LMNB2: variants seen among roughly 807,000 people sequenced by gnomAD.
LMNB2 encodes the protein lamin-B2.
LMNB2 carries 17 observed loss-of-function variants against 69.3 expected under a neutral mutation model. The observed-to-expected ratio is 0.25, with a 90% CI of 0.17 to 0.37. The LOEUF is 0.37. LMNB2 is among the 10% of genes least tolerant of loss of function. The pLI, the probability that LMNB2 is intolerant of heterozygous loss-of-function variation, is 1.00. For missense variants in LMNB2, 789 were observed against 883.6 expected (o/e 0.89, Z 1.36); for synonymous variants, 397 against 389.3 (o/e 1.02, Z -0.23).
intron 2 of LMNB2, among the ~76,000 whole-genome samples, chr19:2,439,065 T>TTA (rs1971862209): frequency 7.8e-6 from 1 of 128,448 alleles, no homozygotes; most frequent in Admixed American, 9.1e-5. Context: ...TTTTTTTTTT[T>TTA]AAGAGACAGG....
rs947235605 is a variant in LMNB2 at position 2,429,559 on chromosome 19, G to C, written c.*1352C>G. 6.6e-6 allele frequency: 1 copy of C among 152,288 alleles called. No homozygotes were observed. 9.4% of individuals were successfully genotyped at this position (152,288 alleles called of 1,614,324 possible). On this transcript the variant is annotated 3_prime_UTR_variant, in exon 12 of 12. Transcript: ENST00000325327. ...AGGGAGGCGGGATGCAGTCACAGGG[G>C]AGCGGTGCCGCCCCCGCCCTGCAGT... is the stretch of plus-strand genomic sequence containing the variant.
rs371984370 is a variant in LMNB2 at position 2,432,543 on chromosome 19, C to T, written c.1483-20G>A. On this transcript the variant is annotated intron_variant, in intron 8 of 11. Transcript: ENST00000325327. ...CTGATCCTGGAAGACACGGCACACA[C>T]CTGACCCTCAGCCACCAGGACTGTG... The T allele has an allele frequency of 1.6e-4, 260 of 1,596,406 alleles. No homozygotes were observed. Among genetic ancestry groups the T allele is most frequent in the Middle Eastern group, 1.7e-4 (1 of 6,030 alleles).
Position 2,431,862 on chromosome 19 carries a change from G to A in LMNB2, c.1631C>T (p.Ser544Leu), listed in dbSNP as rs776253195. ...GCTCTGGCCCTTCCACACCAGCGTCGAGGGGGGGCTGTGGGCCACCCCCGC... is the reference window on the plus strand; with the variant it reads ...GCTCTGGCCCTTCCACACCAGCGTCAAGGGGGGGCTGTGGGCCACCCCCGC... ...AGAGVAHSPP[S>L]TLVWKGQSSW... The change falls in exon 10 of 12, where the codon TCG becomes TTG. Residue 544 changes from serine (S) to leucine (L), a missense_variant. By Grantham distance (145) the Ser-to-Leu change is moderately radical (BLOSUM62 -2). Transcript: ENST00000325327. 1.9e-5 allele frequency: 31 copies of A among 1,612,978 alleles called. No individual in the cohort carries two copies. Among genetic ancestry groups the A allele is most frequent in the Admixed American group, 1.7e-4 (10 of 59,964 alleles).
chr19:2,450,418 G>T (rs1972009118), intron 1 of LMNB2, among the ~76,000 whole-genome samples: 2 of 151,020 alleles, frequency 1.3e-5, no homozygotes, highest in Non-Finnish European at 2.9e-5. Flanking sequence ...GCTGGGAGCA[G>T]TGGCTCACAG....
chr19:2,434,243 G>C, intron 7 of LMNB2, 52 bp downstream of exon 7: 3 of 1,591,210 alleles, frequency 1.9e-6, no homozygotes, highest in Non-Finnish European at 2.6e-6. Context: ...CTCTCCTCCT[G>C]CCCTGCCCCT....
chr19:2,447,098 C>T lies in LMNB2; in HGVS notation c.265-2558G>A, dbSNP rs184335866. On this transcript the variant is annotated intron_variant, in intron 1 of 11. Coordinates refer to ENST00000325327, the MANE Select transcript of LMNB2 (RefSeq NM_032737.4). The surrounding 1 kb of genome is among the most constrained non-coding windows in gnomAD (Gnocchi z 4.4). ...GGTGGAACTTGCAGTGAGCCGAGAT[C>T]GCACCACTGCCCTCCAGCCTGGGAG... Among the ~76,000 whole-genome samples, 13 of 151,840 alleles carry T rather than the reference C, an allele frequency of 8.6e-5. No individual in the cohort carries two copies. Among genetic ancestry groups the T allele is most frequent in the Admixed American group, 3.3e-4 (5 of 15,244 alleles).
At chr19:2,440,253 C>A (rs1475543914) in intron 2 of LMNB2, among the ~76,000 whole-genome samples, 2 of 144,922 alleles carry the variant, frequency 1.4e-5, no homozygotes, top group Admixed American at 1.4e-4. Flanking sequence ...TGCAATGGTG[C>A]GATCTCGGTT....
At chr19:2,439,793 G>A (rs1318115038) in intron 2 of LMNB2, among the ~76,000 whole-genome samples, 2 of 151,920 alleles carry the variant, frequency 1.3e-5, no homozygotes, top group Non-Finnish European at 2.9e-5. Flanking sequence ...GATTGCAATG[G>A]CGTGATCTCG....
chr19:2,431,736 C>T, intron 10 of LMNB2, 47 bp downstream of exon 10: 2 of 1,613,638 alleles, frequency 1.2e-6, no homozygotes, highest in South Asian at 2.2e-5. Flanking sequence ...GTGCCCAGAC[C>T]CTGCCCAGGA....
chr19:2,430,179 G>T lies in LMNB2; in HGVS notation c.*732C>A, dbSNP rs909538771. On this transcript the variant is annotated 3_prime_UTR_variant, in exon 12 of 12. Coordinates refer to ENST00000325327, the MANE Select transcript of LMNB2 (RefSeq NM_032737.4). The stretch of plus-strand genomic sequence containing the variant: ...TTATTGTTGTGACAGGTCTTACGAC[G>T]GGACTGTCCTCATTCTTCCTTCCCC... The T allele has an allele frequency of 6.4e-6, 1 of 155,200 alleles. No homozygotes were observed. The highest frequency in any genetic ancestry group is 6.3e-5 in the Admixed American group (1 of 15,880). 9.6% of individuals were successfully genotyped at this position (155,200 alleles called of 1,614,324 possible). A position where few individuals can be genotyped will look rare whatever the true frequency, so the allele number is the denominator to read the frequency against.
chr19:2,432,335 C>T, intron 9 of LMNB2, 81 bp downstream of exon 9: 1 of 981,300 alleles, frequency 1.0e-6, no homozygotes, highest in Non-Finnish European at 1.6e-6. Flanking sequence ...CCCACCCCCG[C>T]CAAGTCCTGT....
chr19:2,448,596 C>T (rs1339835700), intron 1 of LMNB2, among the ~76,000 whole-genome samples: 1 of 152,298 alleles, frequency 6.6e-6, no homozygotes, highest in East Asian at 1.9e-4. Context: ...CCCTGTCATC[C>T]CAGCACTTTG....
At chr19:2,445,045 G>A (rs896002795) in intron 1 of LMNB2, among the ~76,000 whole-genome samples, 1 of 152,130 alleles carries the variant, frequency 6.6e-6, no homozygotes, top group East Asian at 1.9e-4. Flanking sequence ...GAAAACTGGT[G>A]GGATGTTTAA....
Position 2,456,929 on chromosome 19 carries a change from C to T in LMNB2, c.5G>A (p.Ser2Asn), listed in dbSNP as rs892147530. The change falls in exon 1 of 12, where the codon AGC becomes AAC. Residue 2 changes from serine to asparagine, a missense_variant. Ser to Asn is a conservative substitution (Grantham distance 46). Coordinates refer to ENST00000325327, the MANE Select transcript of LMNB2 (RefSeq NM_032737.4). MSPPSPGRRREQ... is the reference protein window; with the variant it reads MNPPSPGRRREQ... ...CCGACGGCGGCCCGGGCTCGGCGGG[C>T]TCATTCAATCCGCGCCGCCGGCTGC... 1.0e-5 allele frequency: 10 copies of T among 991,388 alleles called. No individual in the cohort carries two copies. The South Asian group carries it at 3.2e-4, about 31-fold the overall frequency. The allele number at this position is 991,388 out of a possible 1,614,324, so 61.4% of individuals were successfully genotyped here.
intron 2 of LMNB2, among the ~76,000 whole-genome samples, chr19:2,441,126 G>A (rs1971895588): frequency 6.6e-6 from 1 of 152,248 alleles, no homozygotes. Context: ...ACGAGCTACG[G>A]GGCAGCCACT....
chr19:2,433,737 C>A, intron 8 of LMNB2, 89 bp downstream of exon 8: 1 of 1,455,782 alleles, frequency 6.9e-7, no homozygotes, highest in Non-Finnish European at 9.3e-7. Flanking sequence ...CCCTGCCTCG[C>A]ATTGGCCGGC....
intron 2 of LMNB2, among the ~76,000 whole-genome samples, chr19:2,438,867 C>T (rs1389443067): frequency 6.6e-6 from 1 of 152,098 alleles, no homozygotes; most frequent in African/African-American, 2.4e-5. Flanking sequence ...GTTACAAAGA[C>T]CCTGGCCTTT....
Position 2,453,075 on chromosome 19 carries a change from GGTCATCCTCGTGAGGGCTGC to G in LMNB2, c.264+3575_264+3594del, listed in dbSNP as rs1257682348. Among the ~76,000 whole-genome samples, 11 of 149,366 alleles carry G rather than the reference GGTCATCCTCGTGAGGGCTGC, an allele frequency of 7.4e-5. No homozygotes were observed. The East Asian group carries it at 2.0e-3, about 27-fold the overall frequency. On this transcript the variant is annotated intron_variant, in intron 1 of 11. Transcript: ENST00000325327. This position sits in a 1 kb window ranked among gnomAD's most constrained non-coding sequence, Gnocchi z 4.4. ...GGGCTGGGTCATCCTCATGGGGCTG[GGTCATCCTCGTGAGGGCTGC>G]GTCATCCTCGTGGGGGCCAGGTGAT...
rs529412623 is a variant in LMNB2 at position 2,434,219 on chromosome 19, C to A, written c.1202+76G>T. On this transcript the variant is annotated intron_variant, in intron 7 of 11. Coordinates refer to ENST00000325327, the MANE Select transcript of LMNB2 (RefSeq NM_032737.4). The stretch of plus-strand genomic sequence containing the variant: ...CTCCACCCCTGCCCAGCACTCCCCG[C>A]AGCCCCGTCCCGCCTCTCCTCCTGC... The A allele has an allele frequency of 4.7e-4, 727 of 1,560,616 alleles. 2 individuals carry two copies. In the African/African-American group the frequency reaches 5.3e-3, roughly 11 times the overall value.
Sources: allele counts gnomAD v4.1 joint callset (sites outside exome capture counted in the v4.1 genomes callset), GRCh38; gene constraint gnomAD v4.1.1; non-coding constraint Gnocchi (gnomAD v3.1); transcripts MANE v1.5; gene names NCBI Gene and HGNC (gene_info 2026-07-23, HGNC 2026-07-21).